The following GAN variants were observed in gnomAD, a reference collection of about 807,000 sequenced individuals.
GAN encodes epididymis secretory sperm binding protein.
A neutral mutation model predicts 71.3 loss-of-function variants in GAN; 48 were observed. That is an observed-to-expected ratio of 0.67 (90% CI 0.53 to 0.86). GAN has a LOEUF of 0.86. Ranked by LOEUF, GAN falls within the 40% of genes least tolerant of loss-of-function variation. GAN has a pLI of 0.00. For synonymous variants in GAN, 386 were observed against 276.8 expected (o/e 1.39, Z -3.92); for missense variants, 928 against 770.1 (o/e 1.21, Z -2.43).
At position 81,389,047 on chromosome 16, in the gene GAN, G is replaced by A. The variant is rs1278342453; in HGVS notation, c.*11451G>A. On this transcript the variant is annotated 3_prime_UTR_variant, in exon 11 of 11. Transcript: ENST00000648994. ...ATCAGCTTAAGAAGTAAAGAAGTGA[G>A]CCTTCCATTTGTGTGGGTGATAACA... 1 of 152,166 alleles carries A rather than the reference G, an allele frequency of 6.6e-6. No homozygotes were observed. Among genetic ancestry groups the A allele is most frequent in the Non-Finnish European group, 1.5e-5 (1 of 68,036 alleles). The allele number at this position is 152,166 out of a possible 1,614,324, so 9.4% of individuals were successfully genotyped here.
chr16:81,315,949 G>T (rs1325459062), intron 1 of GAN, among the ~76,000 whole-genome samples: 2 of 152,258 alleles, frequency 1.3e-5, no homozygotes, highest in Non-Finnish European at 1.5e-5. Context: ...TTTAAAAGAG[G>T]AGTTACACGT....
Position 81,378,031 on chromosome 16 carries a change from C to T in GAN, c.*435C>T, listed in dbSNP as rs1904288124. On this transcript the variant is annotated 3_prime_UTR_variant, in exon 11 of 11. Transcript: ENST00000648994. ...AACATATCCAAACATGCCAAGACTG[C>T]TTTTCCACTGCACTTGGAAGGATAT... is the stretch of plus-strand genomic sequence containing the variant. 4.1e-6 allele frequency: 1 copy of T among 246,820 alleles called. No homozygotes were observed. Among genetic ancestry groups the T allele is most frequent in the Non-Finnish European group, 8.0e-6 (1 of 124,506 alleles). 15.3% of individuals were successfully genotyped at this position (246,820 alleles called of 1,614,324 possible). A position where few individuals can be genotyped will look rare whatever the true frequency, so the allele number is the denominator to read the frequency against.
intron 1 of GAN, among the ~76,000 whole-genome samples, chr16:81,331,002 C>T (rs1310883479): frequency 1.3e-5 from 2 of 152,122 alleles, no homozygotes; most frequent in Non-Finnish European, 1.5e-5. Flanking sequence ...GCCCAGCAGT[C>T]TAGACCAACC....
chr16:81,315,967 A>T (rs141494147), intron 1 of GAN, among the ~76,000 whole-genome samples: 34 of 152,322 alleles, frequency 2.2e-4, no homozygotes, highest in African/African-American at 7.5e-4. Context: ...CGTTGAAGTA[A>T]ACTGTAGCGA....
intron 1 of GAN, among the ~76,000 whole-genome samples, chr16:81,335,105 G>A (rs1040048404): frequency 7.2e-6 from 1 of 138,778 alleles, no homozygotes; most frequent in African/African-American, 2.6e-5. Flanking sequence ...TGTTATTGGA[G>A]CAGAGAACTG....
chr16:81,367,167 C>G (rs1018304103), intron 9 of GAN, among the ~76,000 whole-genome samples: 1 of 152,154 alleles, frequency 6.6e-6, no homozygotes, highest in Non-Finnish European at 1.5e-5. Context: ...TTTAATATAA[C>G]TATCACTTGC....
intron 6 of GAN, among the ~76,000 whole-genome samples, 186 bp downstream of exon 6, chr16:81,362,797 A>G (rs1206449488): frequency 6.6e-6 from 1 of 151,954 alleles, no homozygotes; most frequent in African/African-American, 2.4e-5. Flanking sequence ...TCTGGCCTCC[A>G]TGAGTTTCTG....
At chr16:81,339,998 T>C (rs1909888299) in intron 1 of GAN, among the ~76,000 whole-genome samples, 1 of 152,254 alleles carries the variant, frequency 6.6e-6, no homozygotes, top group South Asian at 2.1e-4. Context: ...TATGGAAGTC[T>C]GAAATGGTCC....
intron 6 of GAN, among the ~76,000 whole-genome samples, chr16:81,363,149 C>G (rs935876109): frequency 1.3e-5 from 2 of 152,260 alleles, no homozygotes; most frequent in African/African-American, 2.4e-5. Context: ...TAGCCTTGGC[C>G]TGACCCTGTC....
intron 9 of GAN, among the ~76,000 whole-genome samples, chr16:81,377,013 A>G (rs1363555876): frequency 6.6e-6 from 1 of 152,182 alleles, no homozygotes. Flanking sequence ...TTATGACTCA[A>G]TACATGTTTC....
chr16:81,377,741 C>G lies in GAN; in HGVS notation c.*145C>G. On this transcript the variant is annotated 3_prime_UTR_variant, in exon 11 of 11. Transcript: ENST00000648994. ...TTGGTGGTTTTATGATGCTTACAAA[C>G]TTGAGCTTTAGCTCTTGTTTGGGAG... 2 of 792,810 alleles carry G rather than the reference C, an allele frequency of 2.5e-6. No homozygotes were observed. Among genetic ancestry groups the G allele is most frequent in the Non-Finnish European group, 2.2e-6 (1 of 458,804 alleles). The allele number at this position is 792,810 out of a possible 1,614,324, so 49.1% of individuals were successfully genotyped here. A position where few individuals can be genotyped will look rare whatever the true frequency, so the allele number is the denominator to read the frequency against.
rs1052589440 is a variant in GAN, at chr16:81,389,096, A to C, written c.*11500A>C. 6.6e-6 allele frequency: 1 copy of C among 152,230 alleles called. No homozygotes were observed. Among genetic ancestry groups the C allele is most frequent in the African/African-American group, 2.4e-5 (1 of 41,456 alleles). The allele number at this position is 152,230 out of a possible 1,614,324, so 9.4% of individuals were successfully genotyped here. Reference sequence around the variant, plus strand: ...CATCTTTTTCCTAGATCGTACCTCAAAATTCAGGCTCTCCATGAAAACAAA... The same window carrying C: ...CATCTTTTTCCTAGATCGTACCTCACAATTCAGGCTCTCCATGAAAACAAA... On this transcript the variant is annotated 3_prime_UTR_variant, in exon 11 of 11. Coordinates refer to ENST00000648994, the MANE Select transcript of GAN (RefSeq NM_022041.4).
intron 1 of GAN, among the ~76,000 whole-genome samples, chr16:81,351,018 G>A (rs1020895402): frequency 2.0e-5 from 3 of 152,114 alleles, no homozygotes; most frequent in Non-Finnish European, 4.4e-5. Flanking sequence ...AAACAATAAT[G>A]CAAAATGGAT....
At chr16:81,340,193 C>T (rs897739733) in intron 1 of GAN, among the ~76,000 whole-genome samples, 1 of 152,142 alleles carries the variant, frequency 6.6e-6, no homozygotes, top group African/African-American at 2.4e-5. Context: ...CTCACCTCAG[C>T]CTTACAAAGT....
chr16:81,334,998 T>C (rs1165437491), intron 1 of GAN, among the ~76,000 whole-genome samples: 6 of 152,024 alleles, frequency 3.9e-5, no homozygotes. Context: ...TGCGTCTTAT[T>C]AGATGGTGAT....
At chr16:81,343,015 C>G (rs1228063710) in intron 1 of GAN, among the ~76,000 whole-genome samples, 1 of 152,162 alleles carries the variant, frequency 6.6e-6, no homozygotes, top group Non-Finnish European at 1.5e-5. Flanking sequence ...CAGAAATAAA[C>G]TAGAACATCT....
chr16:81,358,766 A>T (rs1428103184), intron 5 of GAN, among the ~76,000 whole-genome samples: 1 of 152,174 alleles, frequency 6.6e-6, no homozygotes, highest in Non-Finnish European at 1.5e-5. Context: ...TAAGGAGCTG[A>T]TAGAAAAGAT....
intron 1 of GAN, among the ~76,000 whole-genome samples, chr16:81,348,298 A>G (rs1209219107): frequency 1.3e-5 from 2 of 151,896 alleles, no homozygotes; most frequent in Non-Finnish European, 2.9e-5. Flanking sequence ...CTCTTGTTTT[A>G]TGTACACAAT....
At chr16:81,336,088 C>T (rs1016321683) in intron 1 of GAN, among the ~76,000 whole-genome samples, 9 of 152,122 alleles carry the variant, frequency 5.9e-5, no homozygotes, top group African/African-American at 1.4e-4. Flanking sequence ...ACATGTCTTC[C>T]GACAGGACAA....
Sources: allele counts gnomAD v4.1 joint callset (sites outside exome capture counted in the v4.1 genomes callset), GRCh38; gene constraint gnomAD v4.1.1; transcripts MANE v1.5; gene names NCBI Gene and HGNC (gene_info 2026-07-23, HGNC 2026-07-21).